MRPS28: variants seen among roughly 807,000 people sequenced by gnomAD.
MRPS28 encodes the protein mitochondrial ribosomal protein S28.
A neutral mutation model predicts 10.8 loss-of-function variants in MRPS28; 7 were observed. The ratio of observed to expected loss-of-function variants is 0.65; its 90% CI spans 0.37 to 1.22. MRPS28 has a LOEUF of 1.22. Among genes scored for constraint, MRPS28 ranks in the 50% most tolerant of loss-of-function variants. The pLI is 0.02. For missense variants in MRPS28, 265 were observed against 232.9 expected, an observed-to-expected ratio of 1.14 and a Z score of -0.90; for synonymous variants, 121 against 93.3, an observed-to-expected ratio of 1.30 and a Z score of -1.71.
In MRPS28 at chr8:79,968,751, C is replaced by G. The variant is rs73251956; in HGVS notation, c.395+34248G>C. On this transcript the variant is annotated intron_variant, in intron 2 of 2. Coordinates refer to ENST00000276585, the MANE Select transcript of MRPS28 (RefSeq NM_014018.3). ...AAAAAAGAATCAGTTCAATTGTCAC[C>G]TACTCTGTGAAGCTTTCCTTGACTG... Among the ~76,000 whole-genome samples, 1,040 of 151,950 alleles carry G rather than the reference C, an allele frequency of 6.8e-3. 15 individuals carry two copies. Among genetic ancestry groups the G allele is most frequent in the African/African-American group, 0.024 (995 of 41,446 alleles).
chr8:79,979,915 CAAAAAAAAAAAAA>C lies in MRPS28; in HGVS notation c.395+23071_395+23083del, dbSNP rs61633169. Among the ~76,000 whole-genome samples, 25 of 31,358 alleles carry C rather than the reference CAAAAAAAAAAAAA, an allele frequency of 8.0e-4. 1 individual carries two copies. Among genetic ancestry groups the C allele is most frequent in the East Asian group, 4.8e-3 (3 of 622 alleles). The allele number at this position is 31,358 out of a possible 152,430, so 20.6% of individuals were successfully genotyped here. On this transcript the variant is annotated intron_variant, in intron 2 of 2. Transcript: ENST00000276585. Reference sequence around the variant, plus strand: ...GCCACTAACATTCAGGATTCTCACGCAAAAAAAAAAAAAAAAAAAAAAAAAAAAGTCTCTATCT... The same window carrying C: ...GCCACTAACATTCAGGATTCTCACGCAAAAAAAAAAAAAAAGTCTCTATCT...
At chr8:79,925,570 T>G (rs774616464) in intron 2 of MRPS28, among the ~76,000 whole-genome samples, 17 of 152,224 alleles carry the variant, frequency 1.1e-4, no homozygotes, top group Non-Finnish European at 2.1e-4. Context: ...AAATGGAGGA[T>G]TTAAAAATGT....
chr8:80,016,509 G>A (rs921986632), intron 1 of MRPS28, among the ~76,000 whole-genome samples: 5 of 151,968 alleles, frequency 3.3e-5, no homozygotes, highest in South Asian at 2.1e-4. Context: ...AATAAAAATT[G>A]AGGGAATTTG....
At chr8:79,990,327 G>A (rs1156591369) in intron 2 of MRPS28, among the ~76,000 whole-genome samples, 1 of 152,014 alleles carries the variant, frequency 6.6e-6, no homozygotes, top group Non-Finnish European at 1.5e-5. Flanking sequence ...GTCTTTCTCT[G>A]AACAGGCTCT....
At position 79,927,931 on chromosome 8, in the gene MRPS28, G is replaced by A. The variant is rs998312073; in HGVS notation, c.396-8783C>T. 1.2e-4 allele frequency among the ~76,000 whole-genome samples: 19 copies of A among 152,260 alleles called. No homozygotes were observed. The South Asian group carries it at 2.5e-3, about 20-fold the overall frequency. On this transcript the variant is annotated intron_variant, in intron 2 of 2. Coordinates refer to ENST00000276585, the MANE Select transcript of MRPS28 (RefSeq NM_014018.3). ...CAGAGTGCTTTAAATAGCCTTTTCT[G>A]TAGGACAAGAACCAGGGTCAACCAG...
At chr8:80,013,634 C>CAAAAAAAAAAAAAAAAAAAAAAAA (rs5892700) in intron 1 of MRPS28, among the ~76,000 whole-genome samples, 1 of 75,614 alleles carries the variant, frequency 1.3e-5, no homozygotes. Context: ...GACTCCATCT[C>CAAAAAAAAAAAAAAAAAAAAAAAA]AAAAAAAAAA....
Position 79,918,941 on chromosome 8 carries a change from G to C in MRPS28, c.*39C>G. ...CTAATTGCATTCTTGATGAATAACT[G>C]ACTTCAGCAAAGGAGTCAATCCACT... On this transcript the variant is annotated 3_prime_UTR_variant, in exon 3 of 3. Coordinates refer to ENST00000276585, the MANE Select transcript of MRPS28 (RefSeq NM_014018.3). 7.2e-7 allele frequency: 1 copy of C among 1,397,684 alleles called. No individual in the cohort carries two copies. Among genetic ancestry groups the C allele is most frequent in the Non-Finnish European group, 9.4e-7 (1 of 1,059,920 alleles). The allele number at this position is 1,397,684 out of a possible 1,614,324, so 86.6% of individuals were successfully genotyped here. A position where few individuals can be genotyped will look rare whatever the true frequency, so the allele number is the denominator to read the frequency against.
chr8:79,977,396 T>C lies in MRPS28; in HGVS notation c.395+25603A>G, dbSNP rs1586071726. Among the ~76,000 whole-genome samples the C allele has an allele frequency of 2.0e-5, 3 of 152,238 alleles. No homozygotes were observed. The South Asian group carries it at 6.2e-4, about 32-fold the overall frequency. ...CTAATTTGGCTTGATCACTGAAAAA[T>C]ATCAACTTTGACAGCTCAGTGATCA... On this transcript the variant is annotated intron_variant, in intron 2 of 2. Transcript: ENST00000276585.
chr8:79,982,992 ACCC>A (rs1563533130), intron 2 of MRPS28, among the ~76,000 whole-genome samples: 1 of 118,788 alleles, frequency 8.4e-6, no homozygotes. Context: ...CTGACCCCCG[ACCC>A]CCGAGCAGCC....
rs111667789 is a variant in MRPS28 at position 79,961,903 on chromosome 8, A to C, written c.395+41096T>G. ...TTCATTTCTAAGGATTAAAATACTGACCAGCATGCCATTTGAGTAAATATT... is the reference window on the plus strand; with the variant it reads ...TTCATTTCTAAGGATTAAAATACTGCCCAGCATGCCATTTGAGTAAATATT... On this transcript the variant is annotated intron_variant, in intron 2 of 2. Transcript: ENST00000276585. Among the ~76,000 whole-genome samples the C allele has an allele frequency of 6.3e-3, 961 of 152,298 alleles. 14 individuals carry two copies. The highest frequency in any genetic ancestry group is 0.021 in the African/African-American group (884 of 41,566).
chr8:80,025,214 T>G (rs1809465054), intron 1 of MRPS28, among the ~76,000 whole-genome samples: 1 of 152,226 alleles, frequency 6.6e-6, no homozygotes, highest in Non-Finnish European at 1.5e-5. Context: ...CAACATGCAG[T>G]TATGATAAAA....
intron 2 of MRPS28, among the ~76,000 whole-genome samples, chr8:79,974,814 T>G (rs1360273068): frequency 6.6e-6 from 1 of 152,114 alleles, no homozygotes; most frequent in Non-Finnish European, 1.5e-5. Context: ...TGGCCAATAG[T>G]AATTTCAAAG....
At chr8:79,919,935 T>A (rs192071641) in intron 2 of MRPS28, among the ~76,000 whole-genome samples, 1 of 59,206 alleles carries the variant, frequency 1.7e-5, no homozygotes, top group Non-Finnish European at 3.4e-5. Context: ...CTCCTAATGC[T>A]ATCCCTCCCC....
intron 2 of MRPS28, among the ~76,000 whole-genome samples, chr8:79,990,510 C>T (rs1359871681): frequency 6.6e-6 from 1 of 152,156 alleles, no homozygotes; most frequent in African/African-American, 2.4e-5. Flanking sequence ...TAACTTTTCA[C>T]CCTGAAATTC....
chr8:80,017,753 T>C (rs1290323714), intron 1 of MRPS28, among the ~76,000 whole-genome samples: 1 of 152,172 alleles, frequency 6.6e-6, no homozygotes. Context: ...AGTAATATCT[T>C]AATATCAAAA....
At chr8:79,966,810 T>C (rs1807513886) in intron 2 of MRPS28, among the ~76,000 whole-genome samples, 1 of 152,158 alleles carries the variant, frequency 6.6e-6, no homozygotes, top group Admixed American at 6.6e-5. Flanking sequence ...TATAAAAAAG[T>C]GACCAGTATT....
intron 2 of MRPS28, among the ~76,000 whole-genome samples, chr8:79,987,986 G>A (rs897217018): frequency 2.0e-4 from 31 of 151,970 alleles, no homozygotes; most frequent in South Asian, 2.1e-4. Context: ...TGTTTACTGC[G>A]GCTCTATTCA....
At chr8:80,022,598 C>T (rs751227401) in intron 1 of MRPS28, among the ~76,000 whole-genome samples, 1 of 152,196 alleles carries the variant, frequency 6.6e-6, no homozygotes, top group African/African-American at 2.4e-5. Context: ...ATCTCCAAAG[C>T]TTTAAAAAGG....
rs545837697 is a variant in MRPS28 at position 79,964,133 on chromosome 8, T to C, written c.395+38866A>G. 1.4e-4 allele frequency among the ~76,000 whole-genome samples: 21 copies of C among 152,212 alleles called. No individual in the cohort carries two copies. The South Asian group carries it at 3.3e-3, about 24-fold the overall frequency. On this transcript the variant is annotated intron_variant, in intron 2 of 2. Transcript: ENST00000276585. ...CTTAAAGTAGGGAACTTAAGTAATG[T>C]AGGCCATTACTCAACAGAGATTGCT...
Sources: allele counts gnomAD v4.1 joint callset (sites outside exome capture counted in the v4.1 genomes callset), GRCh38; gene constraint gnomAD v4.1.1; transcripts MANE v1.5; gene names NCBI Gene and HGNC (gene_info 2026-07-23, HGNC 2026-07-21).